CAMK1D: variants seen among roughly 807,000 people sequenced by gnomAD.
CAMK1D encodes calcium/calmodulin dependent protein kinase ID, also known as calcium/calmodulin-dependent protein kinase type 1D.
In CAMK1D, 9 loss-of-function variants were observed where a neutral mutation model predicts 47.7. The ratio of observed to expected loss-of-function variants is 0.19; its 90% CI spans 0.11 to 0.33. The LOEUF (loss-of-function observed/expected upper bound fraction) is 0.33. CAMK1D is among the 10% of genes least tolerant of loss of function. CAMK1D has a pLI of 1.00. For synonymous variants in CAMK1D, 184 were observed against 184.9 expected, an observed-to-expected ratio of 0.99 and a Z score of 0.04; for missense variants, 291 against 488.7, an observed-to-expected ratio of 0.60 and a Z score of 3.81.
intron 2 of CAMK1D, among the ~76,000 whole-genome samples, chr10:12,564,032 C>T (rs1285384369): frequency 6.6e-6 from 1 of 151,770 alleles, no homozygotes; most frequent in African/African-American, 2.4e-5. Context: ...ATGATTTATA[C>T]AGATTCCAGT....
At chr10:12,429,563 C>T (rs1205059862) in intron 1 of CAMK1D, among the ~76,000 whole-genome samples, 1 of 152,158 alleles carries the variant, frequency 6.6e-6, no homozygotes, top group Non-Finnish European at 1.5e-5. Flanking sequence ...TGGTCTCGAA[C>T]TCCTGACCTC....
intron 6 of CAMK1D, among the ~76,000 whole-genome samples, chr10:12,813,823 C>G (rs570444335): frequency 4.0e-5 from 6 of 151,896 alleles, no homozygotes; most frequent in African/African-American, 1.5e-4. Flanking sequence ...TGCAGTGATG[C>G]GATCTTGGCT....
At chr10:12,602,668 C>T (rs1057134817) in intron 2 of CAMK1D, among the ~76,000 whole-genome samples, 6 of 152,014 alleles carry the variant, frequency 3.9e-5, no homozygotes, top group African/African-American at 1.2e-4. Context: ...GCATAAAAGG[C>T]GATGGCTGTT....
chr10:12,388,212 A>T (rs1335791859), intron 1 of CAMK1D, among the ~76,000 whole-genome samples: 1 of 152,104 alleles, frequency 6.6e-6, no homozygotes, highest in African/African-American at 2.4e-5. Context: ...TTTTTAGTAG[A>T]GATGGGGTTT....
At chr10:12,591,033 C>T (rs1014097769) in intron 2 of CAMK1D, among the ~76,000 whole-genome samples, 1 of 152,212 alleles carries the variant, frequency 6.6e-6, no homozygotes, top group East Asian at 1.9e-4. Context: ...TTTATCTTCT[C>T]TGAATTTGTG....
intron 6 of CAMK1D, among the ~76,000 whole-genome samples, chr10:12,806,479 G>A (rs1352989961): frequency 6.6e-6 from 1 of 152,148 alleles, no homozygotes; most frequent in East Asian, 1.9e-4. Context: ...CTGCCTTCCT[G>A]CAGCAGCTGT....
rs140603295 is a variant in CAMK1D at position 12,598,800 on chromosome 10, C to T, written c.224+45444C>T. On this transcript the variant is annotated intron_variant, in intron 2 of 10. Coordinates refer to ENST00000619168, the MANE Select transcript of CAMK1D (RefSeq NM_153498.4). ...ACGAATACGGGTCAACCTTTTAACG[C>T]GTATCTTGCAAATAACATGCTACTG... 2.0e-4 allele frequency among the ~76,000 whole-genome samples: 30 copies of T among 152,284 alleles called. No individual in the cohort carries two copies. In the South Asian group the frequency reaches 2.9e-3, roughly 15 times the overall value.
chr10:12,756,257 A>G (rs1207705929), intron 3 of CAMK1D, among the ~76,000 whole-genome samples: 1 of 152,260 alleles, frequency 6.6e-6, no homozygotes, highest in Non-Finnish European at 1.5e-5. Flanking sequence ...AATACTTTAA[A>G]TTACAATTAG....
At chr10:12,760,620 T>G (rs1275384294) in intron 3 of CAMK1D, 1 of 209,714 alleles carries the variant, frequency 4.8e-6, no homozygotes, top group Non-Finnish European at 9.9e-6. Flanking sequence ...GTCATCTTCC[T>G]GTATCCGAGG....
chr10:12,821,388 C>T (rs539734959), intron 8 of CAMK1D, among the ~76,000 whole-genome samples: 1 of 152,316 alleles, frequency 6.6e-6, no homozygotes, highest in South Asian at 2.1e-4. Context: ...ACCCCCGCTC[C>T]CATCTTCTGG....
At chr10:12,805,274 A>G (rs898384240) in intron 6 of CAMK1D, among the ~76,000 whole-genome samples, 1 of 151,760 alleles carries the variant, frequency 6.6e-6, no homozygotes, top group Non-Finnish European at 1.5e-5. Flanking sequence ...GAAATACTAG[A>G]TATAGCACAG....
chr10:12,403,219 G>T (rs1238638131), intron 1 of CAMK1D, among the ~76,000 whole-genome samples: 1 of 152,172 alleles, frequency 6.6e-6, no homozygotes, highest in East Asian at 1.9e-4. Flanking sequence ...GTTGTGAGCT[G>T]GTGTTTGAAA....
intron 1 of CAMK1D, among the ~76,000 whole-genome samples, chr10:12,436,731 C>T (rs988392758): frequency 1.3e-5 from 2 of 152,154 alleles, no homozygotes; most frequent in African/African-American, 4.8e-5. Context: ...GATACAGGAT[C>T]CCTGAGACCA....
chr10:12,392,308 A>G (rs1051726600), intron 1 of CAMK1D, among the ~76,000 whole-genome samples: 2 of 152,120 alleles, frequency 1.3e-5, no homozygotes, highest in Non-Finnish European at 2.9e-5. Context: ...TCTCAAAAAA[A>G]CAAAACAAAA....
intron 1 of CAMK1D, among the ~76,000 whole-genome samples, chr10:12,407,447 G>T (rs538254375): frequency 6.6e-4 from 100 of 152,300 alleles, no homozygotes; most frequent in African/African-American, 2.3e-3. Flanking sequence ...CGCCCCCATG[G>T]TTGCCTTCTC....
At chr10:12,435,558 A>C (rs1028898209) in intron 1 of CAMK1D, among the ~76,000 whole-genome samples, 1 of 151,794 alleles carries the variant, frequency 6.6e-6, no homozygotes, top group Non-Finnish European at 1.5e-5. Flanking sequence ...GTCTGTTGGC[A>C]GCTCTGAGTC....
At chr10:12,477,712 G>A (rs535303886) in intron 1 of CAMK1D, among the ~76,000 whole-genome samples, 6 of 152,122 alleles carry the variant, frequency 3.9e-5, no homozygotes, top group Non-Finnish European at 8.8e-5. Flanking sequence ...CAGGGCAGAC[G>A]GTGTCTTGGA....
Position 12,457,873 on chromosome 10 carries a change from A to G in CAMK1D, c.93-95352A>G, listed in dbSNP as rs1833303811. 2.0e-5 allele frequency among the ~76,000 whole-genome samples: 3 copies of G among 152,090 alleles called. No homozygotes were observed. The South Asian group carries it at 6.2e-4, about 32-fold the overall frequency. Reference sequence around the variant, plus strand: ...ATCAAGAAACACTGGAAGGATAAACAAGTTATAATAAAATGCTCTTCTGTC... The same window carrying G: ...ATCAAGAAACACTGGAAGGATAAACGAGTTATAATAAAATGCTCTTCTGTC... On this transcript the variant is annotated intron_variant, in intron 1 of 10. Transcript: ENST00000619168.
At chr10:12,451,771 TTG>T (rs75335236) in intron 1 of CAMK1D, among the ~76,000 whole-genome samples, 8 of 150,454 alleles carry the variant, frequency 5.3e-5, no homozygotes, top group Non-Finnish European at 5.9e-5. Flanking sequence ...GGTTATGTGT[TTG>T]TGTGTGTGTG....
Sources: allele counts gnomAD v4.1 joint callset (sites outside exome capture counted in the v4.1 genomes callset), GRCh38; gene constraint gnomAD v4.1.1; transcripts MANE v1.5; gene names NCBI Gene and HGNC (gene_info 2026-07-23, HGNC 2026-07-21).